Variants in ADARB2 observed in about 807,000 individuals in gnomAD.
The protein encoded by ADARB2 is inactive double-stranded RNA-specific editase B2.
Under a neutral mutation model 62.2 loss-of-function variants are expected in ADARB2, and 25 were observed. The ratio of observed to expected loss-of-function variants is 0.40; its 90% CI spans 0.29 to 0.56. The LOEUF (loss-of-function observed/expected upper bound fraction) is 0.56, where lower values mean the gene tolerates loss of function less well. Among genes scored for constraint, ADARB2 ranks in the 20% least tolerant of loss-of-function variants. The pLI is 0.43. For missense variants in ADARB2, 1,071 were observed against 1,077.4 expected, an observed-to-expected ratio of 0.99 and a Z score of 0.08; for synonymous variants, 572 against 500.8, an observed-to-expected ratio of 1.14 and a Z score of -1.90.
chr10:1,341,346 T>A (rs2131838936), intron 3 of ADARB2, among the ~76,000 whole-genome samples: 1 of 146,608 alleles, frequency 6.8e-6, no homozygotes, highest in East Asian at 2.1e-4. Flanking sequence ...GAGAACAACG[T>A]GCCCTGCAAC....
chr10:1,459,292 A>C (rs903392915), intron 1 of ADARB2, among the ~76,000 whole-genome samples: 1 of 152,266 alleles, frequency 6.6e-6, no homozygotes, highest in African/African-American at 2.4e-5. Flanking sequence ...CATCAACGAC[A>C]GACTGGATAC....
At chr10:1,576,388 GAGTCACA>G (rs1833022032) in intron 1 of ADARB2, among the ~76,000 whole-genome samples, 5 of 151,694 alleles carry the variant, frequency 3.3e-5, no homozygotes, top group African/African-American at 9.7e-5. Context: ...AGGGGGCTCA[GAGTCACA>G]GGAGGGGGCT....
intron 1 of ADARB2, among the ~76,000 whole-genome samples, chr10:1,401,988 C>T (rs552168839): frequency 1.8e-4 from 28 of 152,284 alleles, no homozygotes; most frequent in Non-Finnish European, 3.5e-4. Flanking sequence ...TTGAAAATCT[C>T]CAAAATGGAG....
At chr10:1,361,998 T>A (rs4880831) in intron 3 of ADARB2, among the ~76,000 whole-genome samples, 8,062 of 152,312 alleles carry the variant, frequency 0.053, 435 homozygotes, top group African/African-American at 0.14. Flanking sequence ...AGAGAAAAGA[T>A]AATTTGCATA....
chr10:1,409,077 A>G (rs1445922529), intron 1 of ADARB2, among the ~76,000 whole-genome samples: 1 of 152,186 alleles, frequency 6.6e-6, no homozygotes, highest in Non-Finnish European at 1.5e-5. Flanking sequence ...CCCATGTCTC[A>G]GTCTACCCTG....
chr10:1,568,583 G>C (rs1832888929), intron 1 of ADARB2, among the ~76,000 whole-genome samples: 1 of 145,882 alleles, frequency 6.9e-6, no homozygotes, highest in South Asian at 2.2e-4. Context: ...AAAGAAAAAA[G>C]AGAGGAAGGA....
chr10:1,648,585 T>C (rs1834073502), intron 1 of ADARB2, among the ~76,000 whole-genome samples: 1 of 152,164 alleles, frequency 6.6e-6, no homozygotes, highest in Non-Finnish European at 1.5e-5. Flanking sequence ...TAAGCATTGG[T>C]CCATACGTAT....
chr10:1,530,535 C>G (rs1338097479), intron 1 of ADARB2, among the ~76,000 whole-genome samples: 1 of 152,238 alleles, frequency 6.6e-6, no homozygotes, highest in Non-Finnish European at 1.5e-5. Flanking sequence ...CAGGACGAGA[C>G]TCCTTGCGGC....
At chr10:1,634,214 T>C (rs571768356) in intron 1 of ADARB2, among the ~76,000 whole-genome samples, 1 of 152,236 alleles carries the variant, frequency 6.6e-6, no homozygotes, top group East Asian at 1.9e-4. Context: ...CAGCCGAAAG[T>C]GGACTCAATG....
At chr10:1,730,627 A>G (rs1349327796) in intron 1 of ADARB2, among the ~76,000 whole-genome samples, 2 of 149,790 alleles carry the variant, frequency 1.3e-5, no homozygotes, top group Non-Finnish European at 3.0e-5. Flanking sequence ...GAGCATTTAT[A>G]TCATCTTTCT....
intron 1 of ADARB2, among the ~76,000 whole-genome samples, chr10:1,648,002 A>G (rs1353933043): frequency 1.3e-5 from 2 of 152,186 alleles, no homozygotes; most frequent in Non-Finnish European, 2.9e-5. Flanking sequence ...ATTCTAATTG[A>G]GTGGATACAT....
At chr10:1,492,734 T>C (rs1459347485) in intron 1 of ADARB2, among the ~76,000 whole-genome samples, 1 of 151,896 alleles carries the variant, frequency 6.6e-6, no homozygotes, top group African/African-American at 2.4e-5. Flanking sequence ...GACCCCGGCC[T>C]TCTGAGTCTC....
intron 1 of ADARB2, among the ~76,000 whole-genome samples, chr10:1,420,610 GGGA>G (rs1205587460): frequency 0.054 from 1,481 of 27,534 alleles, 35 homozygotes; most frequent in African/African-American, 0.12. Flanking sequence ...TCCAGAAAGA[GGGA>G]AAAAAAAAAA....
chr10:1,546,591 G>A (rs925414059), intron 1 of ADARB2, among the ~76,000 whole-genome samples: 5 of 152,192 alleles, frequency 3.3e-5, no homozygotes, highest in Non-Finnish European at 7.3e-5. Context: ...TCCGTGTCCT[G>A]GGTCTCATCT....
intron 6 of ADARB2, among the ~76,000 whole-genome samples, chr10:1,219,018 C>G (rs1213333191): frequency 4.1e-5 from 6 of 147,746 alleles, no homozygotes; most frequent in Non-Finnish European, 7.4e-5. Flanking sequence ...CCACTGTACT[C>G]CAGCCTGGGC....
At chr10:1,580,238 A>T (rs1588310602) in intron 1 of ADARB2, among the ~76,000 whole-genome samples, 1 of 152,146 alleles carries the variant, frequency 6.6e-6, no homozygotes, top group Non-Finnish European at 1.5e-5. Context: ...AAAGTGGCTG[A>T]TAGATGGTTT....
chr10:1,260,212 A>C (rs1474114372), intron 4 of ADARB2, among the ~76,000 whole-genome samples: 2 of 152,194 alleles, frequency 1.3e-5, no homozygotes, highest in African/African-American at 4.8e-5. Context: ...ATGGACAAAA[A>C]CTGGAAGCAT....
intron 1 of ADARB2, chr10:1,526,574 A>G: frequency 5.1e-6 from 1 of 194,334 alleles, no homozygotes. Context: ...CGCCTCTCCC[A>G]CCACGTGATC....
chr10:1,380,005 A>G (rs1832468563), intron 1 of ADARB2, among the ~76,000 whole-genome samples: 1 of 152,258 alleles, frequency 6.6e-6, no homozygotes, highest in African/African-American at 2.4e-5. Context: ...TGACTAATAA[A>G]GGGATCCAAA....
Sources: allele counts gnomAD v4.1 joint callset (sites outside exome capture counted in the v4.1 genomes callset), GRCh38; gene constraint gnomAD v4.1.1; transcripts MANE v1.5; gene names NCBI Gene and HGNC (gene_info 2026-07-23, HGNC 2026-07-21).